FAAH2: variants seen among roughly 807,000 people sequenced by gnomAD.
FAAH2 encodes the protein fatty acid amide hydrolase 2.
FAAH2 carries 60 observed loss-of-function variants against 36.9 expected under a neutral mutation model. That is an observed-to-expected ratio of 1.63 (90% CI 1.32 to 2.02). FAAH2 has a LOEUF of 2.02. Among genes scored for constraint, FAAH2 ranks in the 30% most tolerant of loss-of-function variants. The probability of loss-of-function intolerance (pLI) is 0.00; values close to 1 mark genes in which losing one functional copy is unlikely to be tolerated. For missense variants in FAAH2, 689 were observed against 397.5 expected, an observed-to-expected ratio of 1.73 and a Z score of -6.23; for synonymous variants, 214 against 143.8, an observed-to-expected ratio of 1.49 and a Z score of -3.49.
intron 7 of FAAH2, among the ~76,000 whole-genome samples, chrX:57,399,956 T>C (rs765765958): frequency 4.9e-4 from 55 of 112,242 alleles, no homozygotes; most frequent in African/African-American, 1.5e-3. Context: ...AAGTCCTTTT[T>C]CTACAAAGAA....
intron 1 of FAAH2, among the ~76,000 whole-genome samples, chrX:57,291,153 T>C (rs2146784734): frequency 8.9e-6 from 1 of 112,114 alleles, no homozygotes; most frequent in African/African-American, 3.2e-5. Context: ...TATTAAATTC[T>C]TGGATATATC....
the FAAH2 span, among the ~76,000 whole-genome samples, chrX:57,275,871 A>G: frequency 8.9e-6 from 1 of 112,241 alleles, no homozygotes; most frequent in African/African-American, 3.2e-5. Context: ...AAGAAGATCT[A>G]ACTATCCTAA....
At chrX:57,217,119 G>A in the FAAH2 span, among the ~76,000 whole-genome samples, 3 of 110,674 alleles carry the variant, frequency 2.7e-5, no homozygotes, top group Non-Finnish European at 5.7e-5. Flanking sequence ...CTTTTTGATG[G>A]GATTGATTGT....
intron 8 of FAAH2, among the ~76,000 whole-genome samples, chrX:57,432,925 A>G (rs1301457128): frequency 7.4e-5 from 8 of 108,532 alleles, no homozygotes; most frequent in African/African-American, 2.7e-4. Flanking sequence ...TCTCACATAC[A>G]ATAGCCCTTC....
chrX:57,290,288 A>G (rs2051938255), intron 1 of FAAH2: 2 of 748,511 alleles, frequency 2.7e-6, no homozygotes, highest in Non-Finnish European at 3.1e-6. Context: ...GTATACGTTG[A>G]TGGAGTGACC....
At chrX:57,308,583 G>GT (rs2052607062) in intron 2 of FAAH2, among the ~76,000 whole-genome samples, 1 of 111,701 alleles carries the variant, frequency 9.0e-6, no homozygotes, top group African/African-American at 3.2e-5. Flanking sequence ...TCTGTAGGTT[G>GT]TTTATTACAT....
chrX:57,388,774 T>G (rs1291832416), intron 7 of FAAH2, among the ~76,000 whole-genome samples: 1 of 111,179 alleles, frequency 9.0e-6, no homozygotes, highest in Non-Finnish European at 1.9e-5. Flanking sequence ...ATACATTCTC[T>G]CCACTCCTAC....
chrX:57,447,931 C>T (rs2056712372), intron 9 of FAAH2, among the ~76,000 whole-genome samples: 1 of 112,257 alleles, frequency 8.9e-6, no homozygotes, highest in Non-Finnish European at 1.9e-5. Context: ...TTGAATTTCT[C>T]CTTAGAAAAT....
At chrX:57,235,435 T>C in the FAAH2 span, among the ~76,000 whole-genome samples, 1 of 112,054 alleles carries the variant, frequency 8.9e-6, no homozygotes, top group African/African-American at 3.2e-5. Flanking sequence ...ATCACTCTTA[T>C]GATCTCTACT....
intron 5 of FAAH2, among the ~76,000 whole-genome samples, chrX:57,348,103 T>C (rs1247357568): frequency 9.0e-6 from 1 of 110,598 alleles, no homozygotes; most frequent in East Asian, 2.9e-4. Flanking sequence ...GCACTCACCA[T>C]TGAAGGACAT....
At chrX:57,181,397 T>C in the FAAH2 span, among the ~76,000 whole-genome samples, 1 of 111,886 alleles carries the variant, frequency 8.9e-6, no homozygotes, top group Non-Finnish European at 1.9e-5. Context: ...AGCTTTAGAA[T>C]TTGAAATCAA....
intron 5 of FAAH2, among the ~76,000 whole-genome samples, chrX:57,364,443 C>CTTTT (rs1225398163): frequency 2.7e-5 from 2 of 73,316 alleles, no homozygotes; most frequent in East Asian, 4.2e-4. Flanking sequence ...GGATCTTCTC[C>CTTTT]TTTTTTTTTT....
chrX:57,486,836 G>A (rs190267821), intron 10 of FAAH2, among the ~76,000 whole-genome samples: 1 of 111,759 alleles, frequency 8.9e-6, no homozygotes, highest in East Asian at 2.8e-4. Context: ...CTGTTCTGTG[G>A]CTGGAGGGGC....
intron 2 of FAAH2, among the ~76,000 whole-genome samples, chrX:57,296,075 G>A (rs1011138278): frequency 1.1e-4 from 12 of 112,207 alleles, no homozygotes; most frequent in African/African-American, 3.6e-4. Flanking sequence ...AGACTTAAAT[G>A]TCCCTGTCTG....
chrX:57,124,097 A>G, the FAAH2 span, among the ~76,000 whole-genome samples: 1 of 110,947 alleles, frequency 9.0e-6, no homozygotes, highest in African/African-American at 3.3e-5. Context: ...GTCCTGAATG[A>G]TATTGCCTAG....
chrX:57,225,214 G>T, the FAAH2 span, among the ~76,000 whole-genome samples: 1 of 110,505 alleles, frequency 9.0e-6, no homozygotes, highest in Admixed American at 9.6e-5. Context: ...TTCTCTAGTT[G>T]CTTGAGGTGT....
chrX:57,310,622 C>T lies in FAAH2; in HGVS notation c.305C>T (p.Ala102Val), dbSNP rs1447418269. The T allele has an allele frequency of 3.3e-6, 4 of 1,208,766 alleles. No homozygotes were observed. The South Asian group carries it at 7.1e-5, about 22-fold the overall frequency. ...GAGGAAGCGATGAAGGAGGCTCATGCTGTAGATCAAAAGCTTGCAGAGAAG... is the reference window on the plus strand; with the variant it reads ...GAGGAAGCGATGAAGGAGGCTCATGTTGTAGATCAAAAGCTTGCAGAGAAG... ...RFEEAMKEAH[A>V]VDQKLAEKQE... Residue 102 changes from alanine to valine, a missense_variant, in exon 3 of 11, where the codon GCT becomes GTT. Ala to Val is a moderately conservative substitution (Grantham distance 64, BLOSUM62 0). Transcript: ENST00000374900.
chrX:57,216,558 A>ACG, the FAAH2 span, among the ~76,000 whole-genome samples: 1 of 58,643 alleles, frequency 1.7e-5, no homozygotes, highest in Non-Finnish European at 2.6e-5. Flanking sequence ...ATGTATATAT[A>ACG]TATATACGTA....
intron 7 of FAAH2, among the ~76,000 whole-genome samples, chrX:57,408,092 CATT>C (rs754475679): frequency 9.1e-5 from 10 of 110,204 alleles, no homozygotes; most frequent in East Asian, 5.6e-4. Context: ...GATGCTTCCA[CATT>C]ATTATTATTA....
Sources: allele counts gnomAD v4.1 joint callset (sites outside exome capture counted in the v4.1 genomes callset), GRCh38; gene constraint gnomAD v4.1.1; transcripts MANE v1.5; gene names NCBI Gene and HGNC (gene_info 2026-07-23, HGNC 2026-07-21).